SLCO3A1: variants seen among roughly 807,000 people sequenced by gnomAD.
The protein encoded by SLCO3A1 is solute carrier organic anion transporter family member 3A1.
In SLCO3A1, 27 loss-of-function variants were observed where a neutral mutation model predicts 63.1. That is an observed-to-expected ratio of 0.43 (90% CI 0.32 to 0.59). The LOEUF is 0.59. Ranked by LOEUF, SLCO3A1 falls within the 20% of genes least tolerant of loss-of-function variation. SLCO3A1 has a pLI of 0.09. For synonymous variants in SLCO3A1, 473 were observed against 409.9 expected, an observed-to-expected ratio of 1.15 and a Z score of -1.86; for missense variants, 773 against 945.8, an observed-to-expected ratio of 0.82 and a Z score of 2.40.
intron 7 of SLCO3A1, among the ~76,000 whole-genome samples, chr15:92,135,591 G>A (rs1404298883): frequency 6.6e-6 from 1 of 152,212 alleles, no homozygotes; most frequent in Non-Finnish European, 1.5e-5. Flanking sequence ...TTGAACCAAT[G>A]AAGTGAAGAG....
intron 4 of SLCO3A1, among the ~76,000 whole-genome samples, chr15:92,107,113 C>A (rs886177044): frequency 1.3e-5 from 2 of 152,154 alleles, no homozygotes; most frequent in East Asian, 3.9e-4. Flanking sequence ...GTCAGGTAGA[C>A]AAGTCTGGGA....
chr15:91,902,465 C>G (rs1206896408), intron 1 of SLCO3A1, among the ~76,000 whole-genome samples: 1 of 151,852 alleles, frequency 6.6e-6, no homozygotes, highest in Admixed American at 6.6e-5. Context: ...TTGCCCCAAC[C>G]AGCACTACTG....
At chr15:91,946,035 T>C (rs560597189) in intron 2 of SLCO3A1, among the ~76,000 whole-genome samples, 1 of 152,242 alleles carries the variant, frequency 6.6e-6, no homozygotes, top group Non-Finnish European at 1.5e-5. Flanking sequence ...CATATAAATA[T>C]CACTTGGTGA....
intron 2 of SLCO3A1, among the ~76,000 whole-genome samples, chr15:92,082,469 C>G (rs978271525): frequency 6.6e-6 from 1 of 152,138 alleles, no homozygotes; most frequent in South Asian, 2.1e-4. Flanking sequence ...GGGGCAGAGT[C>G]ACAGCCAACC....
intron 4 of SLCO3A1, among the ~76,000 whole-genome samples, chr15:92,118,507 C>T (rs1410518220): frequency 2.0e-5 from 3 of 152,210 alleles, no homozygotes; most frequent in Non-Finnish European, 4.4e-5. Context: ...CAGTTCTTGA[C>T]TTATTGAGCT....
chr15:92,004,065 A>G (rs886540484), intron 2 of SLCO3A1, among the ~76,000 whole-genome samples: 1 of 127,652 alleles, frequency 7.8e-6, no homozygotes, highest in African/African-American at 2.5e-5. Context: ...CACTGGTTAT[A>G]GGGGCAGATT....
intron 3 of SLCO3A1, among the ~76,000 whole-genome samples, chr15:92,101,224 G>A (rs1252950497): frequency 1.3e-5 from 2 of 152,114 alleles, no homozygotes; most frequent in Non-Finnish European, 2.9e-5. Flanking sequence ...AATTATATTT[G>A]TTAGCTGGGC....
chr15:92,114,999 T>C (rs1376310245), intron 4 of SLCO3A1, among the ~76,000 whole-genome samples: 2 of 152,176 alleles, frequency 1.3e-5, no homozygotes, highest in East Asian at 3.9e-4. Context: ...AGCAGTTGCA[T>C]GCATTAGCTT....
At chr15:92,135,301 C>T (rs1202408937) in intron 7 of SLCO3A1, among the ~76,000 whole-genome samples, 2 of 152,176 alleles carry the variant, frequency 1.3e-5, no homozygotes, top group Non-Finnish European at 2.9e-5. Flanking sequence ...CAAATAAAAA[C>T]CCCCTTCCTC....
intron 2 of SLCO3A1, among the ~76,000 whole-genome samples, chr15:91,979,048 T>A (rs1901230466): frequency 6.6e-6 from 1 of 152,376 alleles, no homozygotes; most frequent in African/African-American, 2.4e-5. Context: ...ACTTCAGACC[T>A]GCTAGTTAAC....
chr15:92,049,516 A>G (rs1183853746), intron 2 of SLCO3A1, among the ~76,000 whole-genome samples: 2 of 152,194 alleles, frequency 1.3e-5, no homozygotes, highest in African/African-American at 4.8e-5. Flanking sequence ...ACCTTGGGAC[A>G]AAGATTTTAC....
chr15:92,035,485 G>A (rs995247278), intron 2 of SLCO3A1, among the ~76,000 whole-genome samples: 1 of 151,742 alleles, frequency 6.6e-6, no homozygotes, highest in Non-Finnish European at 1.5e-5. Flanking sequence ...TGGGCAGATA[G>A]AGTGATCTAA....
intron 4 of SLCO3A1, among the ~76,000 whole-genome samples, chr15:92,108,828 C>T (rs1430711043): frequency 6.6e-6 from 1 of 152,114 alleles, no homozygotes; most frequent in East Asian, 1.9e-4. Context: ...AGGAAGCCCC[C>T]CAAAGCCCCT....
At chr15:92,031,294 A>G (rs1490639237) in intron 2 of SLCO3A1, among the ~76,000 whole-genome samples, 1 of 152,228 alleles carries the variant, frequency 6.6e-6, no homozygotes, top group Non-Finnish European at 1.5e-5. Context: ...GTATAAAAAG[A>G]CTTGGAAAAG....
At chr15:91,913,584 G>A (rs1185440813) in intron 1 of SLCO3A1, among the ~76,000 whole-genome samples, 2 of 109,684 alleles carry the variant, frequency 1.8e-5, no homozygotes, top group Non-Finnish European at 3.7e-5. Flanking sequence ...GGAATCACCT[G>A]GCTATAGCAT....
intron 4 of SLCO3A1, among the ~76,000 whole-genome samples, chr15:92,105,636 G>A (rs2047659003): frequency 6.6e-6 from 1 of 152,194 alleles, no homozygotes; most frequent in Non-Finnish European, 1.5e-5. Flanking sequence ...GGCGAGGTAT[G>A]TGTGAGGTTC....
intron 4 of SLCO3A1, 122 bp from the exon 5 acceptor site, chr15:92,120,343 G>A: frequency 2.0e-6 from 2 of 987,368 alleles, no homozygotes; most frequent in Admixed American, 2.4e-5. Flanking sequence ...GGGTACCTCT[G>A]GATGCTGTTT....
rs770516493 is a variant in SLCO3A1, at chr15:91,916,418, C to A, written c.606C>A (p.Ile202=). The change falls in exon 2 of 10, where the codon ATC becomes ATA. Residue 202 remains isoleucine (I), a synonymous_variant. Coordinates refer to ENST00000318445, the MANE Select transcript of SLCO3A1 (RefSeq NM_013272.4). This position sits in a 1 kb window ranked among gnomAD's most constrained non-coding sequence, Gnocchi z 6.2. ...TGCAGCCCCTGGGCGTCTCCTACAT[C>A]GACGACCACGTGCGGAGGAAGGACT... ...TPVQPLGVSY[I]DDHVRRKDSS... 6.2e-7 allele frequency: 1 copy of A among 1,612,570 alleles called. No individual in the cohort carries two copies. Among genetic ancestry groups the A allele is most frequent in the Non-Finnish European group, 8.5e-7 (1 of 1,179,630 alleles).
At chr15:92,168,418 C>T (rs1157041232), downstream of SLCO3A1, among the ~76,000 whole-genome samples, 2 of 152,202 alleles carry the variant, frequency 1.3e-5, no homozygotes, top group Non-Finnish European at 2.9e-5. Flanking sequence ...TGTGTTGCAA[C>T]TTCTCAACTG....
Sources: allele counts gnomAD v4.1 joint callset (sites outside exome capture counted in the v4.1 genomes callset), GRCh38; gene constraint gnomAD v4.1.1; non-coding constraint Gnocchi (gnomAD v3.1); transcripts MANE v1.5; gene names NCBI Gene and HGNC (gene_info 2026-07-23, HGNC 2026-07-21).